The following TRPM3 variants were observed in gnomAD, a reference collection of about 807,000 sequenced individuals.
The protein encoded by TRPM3 is long transient receptor potential channel 3.
Under a neutral mutation model 181.2 loss-of-function variants are expected in TRPM3, and 77 were observed. The ratio of observed to expected loss-of-function variants is 0.42; its 90% CI spans 0.35 to 0.51. The LOEUF (loss-of-function observed/expected upper bound fraction) is 0.51, where lower values mean the gene tolerates loss of function less well. Ranked by LOEUF, TRPM3 falls within the 20% of genes least tolerant of loss-of-function variation. TRPM3 has a pLI of 0.01. For synonymous variants in TRPM3, 745 were observed against 796.4 expected (o/e 0.94, Z 1.09); for missense variants, 1,759 against 2,196.7 (o/e 0.80, Z 3.98).
chr9:71,226,301 CAAAT>C (rs1441221367), intron 1 of TRPM3, among the ~76,000 whole-genome samples: 1 of 151,574 alleles, frequency 6.6e-6, no homozygotes, highest in African/African-American at 2.4e-5. Flanking sequence ...TACCTGAAAA[CAAAT>C]AACATCACAG....
At chr9:71,291,497 T>C (rs909854066) in intron 1 of TRPM3, among the ~76,000 whole-genome samples, 1 of 152,136 alleles carries the variant, frequency 6.6e-6, no homozygotes, top group Non-Finnish European at 1.5e-5. Flanking sequence ...GTCAAAAGTA[T>C]ATTCTTTGAC....
chr9:71,157,638 T>C (rs2076073310), intron 1 of TRPM3, among the ~76,000 whole-genome samples: 1 of 152,176 alleles, frequency 6.6e-6, no homozygotes. Context: ...CTAAAAACTC[T>C]GACCAAAATT....
chr9:71,149,843 G>A lies in TRPM3; in HGVS notation c.184-285332C>T, dbSNP rs118072292. On this transcript the variant is annotated intron_variant, in intron 1 of 24. Coordinates refer to the TRPM3 transcript ENST00000357533. ...GCTGAGTGTGGTGGCACGCACCTGT[G>A]GTCCAGCTACTTGGGAGGCTGAGGT... Among the ~76,000 whole-genome samples the A allele has an allele frequency of 1.8e-4, 27 of 151,686 alleles. No homozygotes were observed. In the East Asian group the frequency reaches 5.3e-3, roughly 30 times the overall value.
In TRPM3 at chr9:70,603,337, G is replaced by A. The variant is rs375995996; in HGVS notation, c.2796+5C>T. ...TCTTACGTTTTCTTTTATAAAAGCC[G>A]TTACCTCTCTCATCTTTTCTATTCC... On this transcript the variant is annotated splice_donor_5th_base_variant and intron_variant, in intron 20 of 25. Transcript: ENST00000677713. The A allele has an allele frequency of 7.7e-5, 124 of 1,610,802 alleles. No individual in the cohort carries two copies. Among genetic ancestry groups the A allele is most frequent in the Admixed American group, 4.7e-4 (28 of 59,492 alleles).
rs112584223 is a variant in TRPM3, at chr9:71,256,526, G to GA, written c.183+190126dup. On this transcript the variant is annotated intron_variant, in intron 1 of 24. Coordinates refer to the TRPM3 transcript ENST00000357533. ...GTGCCATACTGGGGAGTATGGAGGGGAAAAAAAAAGATTCCTTGGGTGTGC... is the reference window on the plus strand; with the variant it reads ...GTGCCATACTGGGGAGTATGGAGGGGAAAAAAAAAAGATTCCTTGGGTGTGC... Among the ~76,000 whole-genome samples, 1,075 of 150,414 alleles carry GA rather than the reference G, an allele frequency of 7.1e-3. 16 individuals are homozygous for GA. The highest frequency in any genetic ancestry group is 0.025 in the African/African-American group (1,012 of 41,050).
intron 1 of TRPM3, among the ~76,000 whole-genome samples, chr9:71,242,880 T>C (rs2081798135): frequency 6.6e-6 from 1 of 152,092 alleles, no homozygotes; most frequent in Non-Finnish European, 1.5e-5. Flanking sequence ...TGCCTCAAAG[T>C]AAAATGCATG....
At chr9:71,252,019 T>C (rs1221677808) in intron 1 of TRPM3, among the ~76,000 whole-genome samples, 1 of 152,204 alleles carries the variant, frequency 6.6e-6, no homozygotes, top group Admixed American at 6.5e-5. Context: ...TCCGTGTTGT[T>C]GCCAATGATA....
intron 1 of TRPM3, among the ~76,000 whole-genome samples, chr9:71,208,209 G>A (rs969666772): frequency 1.3e-5 from 2 of 152,072 alleles, no homozygotes. Flanking sequence ...TAGCATACCT[G>A]CCTGATAACA....
rs1163659411 is a variant in TRPM3 at position 71,118,860 on chromosome 9, C to G, written c.177+2318G>C. On this transcript the variant is annotated intron_variant, in intron 1 of 25. Transcript: ENST00000677713. ...AAGAAAGGAAAGGACATAAGAAATA[C>G]TGTTATTAAATATTTCATTTCTAGA... Among the ~76,000 whole-genome samples, 3 of 152,036 alleles carry G rather than the reference C, an allele frequency of 2.0e-5. No homozygotes were observed. In the East Asian group the frequency reaches 5.8e-4, roughly 29 times the overall value.
chr9:70,827,654 A>G lies in TRPM3; in HGVS notation c.973+193T>C, dbSNP rs2093636265. 12 of 580,146 alleles carry G rather than the reference A, an allele frequency of 2.1e-5. No homozygotes were observed. The South Asian group carries it at 2.9e-4, about 14-fold the overall frequency. The allele number at this position is 580,146 out of a possible 1,614,324, so 35.9% of individuals were successfully genotyped here. ...CATAAGCTGGAGTCACTAATTGTGT[A>G]ATTACTTCTTACGCCTCCAATTGTT... On this transcript the variant is annotated intron_variant, in intron 6 of 25. Coordinates refer to ENST00000677713, the MANE Select transcript of TRPM3 (RefSeq NM_001366145.2).
chr9:70,751,316 G>T (rs1211355740), intron 8 of TRPM3, among the ~76,000 whole-genome samples: 1 of 152,030 alleles, frequency 6.6e-6, no homozygotes, highest in African/African-American at 2.4e-5. Context: ...GCAAGACAAA[G>T]CATTGTCAGG....
intron 1 of TRPM3, among the ~76,000 whole-genome samples, chr9:71,201,302 T>A (rs1201189064): frequency 2.6e-5 from 4 of 152,162 alleles, no homozygotes; most frequent in Non-Finnish European, 5.9e-5. Context: ...TGGCTGCCCT[T>A]AACATTTTTT....
At chr9:70,997,059 G>A (rs1360498521) in intron 1 of TRPM3, among the ~76,000 whole-genome samples, 1 of 152,164 alleles carries the variant, frequency 6.6e-6, no homozygotes, top group Admixed American at 6.5e-5. Context: ...TTTGTTGCTC[G>A]CATCTTGAGA....
At chr9:71,157,047 C>T (rs1390953505) in intron 1 of TRPM3, among the ~76,000 whole-genome samples, 1 of 152,156 alleles carries the variant, frequency 6.6e-6, no homozygotes, top group African/African-American at 2.4e-5. Flanking sequence ...TCCACTTCTG[C>T]CTCCTTCCCA....
chr9:70,815,291 TG>T (rs1279503421), intron 6 of TRPM3, among the ~76,000 whole-genome samples: 1 of 152,190 alleles, frequency 6.6e-6, no homozygotes, highest in East Asian at 1.9e-4. Context: ...TTTGTTTAGT[TG>T]CTTACTGATG....
At chr9:71,184,239 A>T (rs1346466265) in intron 1 of TRPM3, among the ~76,000 whole-genome samples, 1 of 152,124 alleles carries the variant, frequency 6.6e-6, no homozygotes, top group Admixed American at 6.6e-5. Flanking sequence ...ATGGAACTGG[A>T]TCAAAGGATA....
intron 1 of TRPM3, among the ~76,000 whole-genome samples, chr9:70,974,495 C>G (rs553194246): frequency 6.6e-6 from 1 of 151,988 alleles, no homozygotes. Flanking sequence ...GCCGAGAGCG[C>G]GCCACTGCAC....
chr9:70,967,836 C>T lies in TRPM3; in HGVS notation c.178-103325G>A, dbSNP rs111411526. Among the ~76,000 whole-genome samples the T allele has an allele frequency of 2.2e-3, 336 of 152,084 alleles. 3 individuals carry two copies. Among genetic ancestry groups the T allele is most frequent in the Admixed American group, 5.2e-3 (80 of 15,262 alleles). ...ATAAAACCTTTCTCTTGGGATATTT[C>T]AAGGGTTTAATGGTCCCCACAATAC... On this transcript the variant is annotated intron_variant, in intron 1 of 25. Coordinates refer to ENST00000677713, the MANE Select transcript of TRPM3 (RefSeq NM_001366145.2).
chr9:70,843,279 G>GA, intron 4 of TRPM3, 152 bp from the exon 5 acceptor site: 2 of 804,494 alleles, frequency 2.5e-6, no homozygotes, highest in Non-Finnish European at 3.7e-6. Context: ...GTATTTAGGA[G>GA]AAAACATAAA....
Sources: gnomAD v4.1 joint callset for allele counts (sites outside exome capture counted in the v4.1 genomes callset) on GRCh38, gnomAD v4.1.1 for gene constraint, MANE v1.5 for transcripts, NCBI Gene and HGNC (gene_info 2026-07-23, HGNC 2026-07-21) for gene names.